The following SMOC1 variants were observed in gnomAD, a reference collection of about 807,000 sequenced individuals.
SMOC1 encodes SPARC related modular calcium binding 1.
In SMOC1, 22 loss-of-function variants were observed where a neutral mutation model predicts 56.3. The ratio of observed to expected loss-of-function variants is 0.39; its 90% CI spans 0.28 to 0.56. The LOEUF (loss-of-function observed/expected upper bound fraction) is 0.56, where lower values mean the gene tolerates loss of function less well. Among genes scored for constraint, SMOC1 ranks in the 20% least tolerant of loss-of-function variants. The pLI, the probability that SMOC1 is intolerant of heterozygous loss-of-function variation, is 0.61. For missense variants in SMOC1, 509 were observed against 565.4 expected (o/e 0.90, Z 1.01); for synonymous variants, 193 against 215.0 (o/e 0.90, Z 0.89).
At chr14:69,922,932 CTTTTTTTTG>C (rs1443553213) in intron 1 of SMOC1, among the ~76,000 whole-genome samples, 5 of 147,706 alleles carry the variant, frequency 3.4e-5, no homozygotes, top group East Asian at 3.9e-4. Context: ...TCTCAGCCCT[CTTTTTTTTG>C]TTTTTTTTGT....
intron 1 of SMOC1, among the ~76,000 whole-genome samples, chr14:69,949,232 G>A (rs1882906436): frequency 6.6e-6 from 1 of 152,188 alleles, no homozygotes; most frequent in Non-Finnish European, 1.5e-5. Flanking sequence ...GGACGGCAAG[G>A]CTGTAAGCAC....
chr14:70,009,478 G>A (rs571967401), intron 7 of SMOC1, among the ~76,000 whole-genome samples: 2 of 152,304 alleles, frequency 1.3e-5, no homozygotes, highest in African/African-American at 4.8e-5. Context: ...GTTGAGTGCT[G>A]TTGTTCAGTG....
At chr14:70,011,607 T>C (rs1885345406) in intron 9 of SMOC1, 40 bp downstream of exon 9, 1 of 1,559,068 alleles carries the variant, frequency 6.4e-7, no homozygotes, top group Non-Finnish European at 8.8e-7. Context: ...ATCACCTCCT[T>C]CTGTTCCTCC....
In SMOC1 at chr14:70,030,426, T is replaced by G. The variant is rs536000675; in HGVS notation, c.*168T>G. ...TTACTTGCGTGTTTTGTTTTTGGTT[T>G]CATTTTAAAACACCAATATCTAATA... On this transcript the variant is annotated 3_prime_UTR_variant, in exon 12 of 12. Coordinates refer to ENST00000361956, the MANE Select transcript of SMOC1 (RefSeq NM_001034852.3). 4 of 804,478 alleles carry G rather than the reference T, an allele frequency of 5.0e-6. No individual in the cohort carries two copies. The highest frequency in any genetic ancestry group is 2.6e-5 in the East Asian group (1 of 38,844). 49.8% of individuals were successfully genotyped at this position (804,478 alleles called of 1,614,324 possible). A position where few individuals can be genotyped will look rare whatever the true frequency, so the allele number is the denominator to read the frequency against.
At chr14:69,927,958 G>A (rs1248267394) in intron 1 of SMOC1, among the ~76,000 whole-genome samples, 1 of 152,210 alleles carries the variant, frequency 6.6e-6, no homozygotes, top group African/African-American at 2.4e-5. Flanking sequence ...AAACAGAGGG[G>A]TGAAGGGGTC....
chr14:70,030,259 G>C lies in SMOC1; in HGVS notation c.*1G>C, dbSNP rs1354562365. On this transcript the variant is annotated 3_prime_UTR_variant, in exon 12 of 12. Transcript: ENST00000361956. ...TCTCTCAGTAGGACGCCTCGTCTAA[G>C]GAGCAGAAAACCCAAGGGCAGGTGG... is the stretch of plus-strand genomic sequence containing the variant. 4 of 1,609,916 alleles carry C rather than the reference G, an allele frequency of 2.5e-6. No homozygotes were observed. Among genetic ancestry groups the C allele is most frequent in the Non-Finnish European group, 3.4e-6 (4 of 1,179,122 alleles).
Position 70,011,469 on chromosome 14 carries a change from A to G in SMOC1, c.858-16A>G. 7.5e-7 allele frequency: 1 copy of G among 1,333,730 alleles called. No individual in the cohort carries two copies. Among genetic ancestry groups the G allele is most frequent in the Non-Finnish European group, 1.1e-6 (1 of 949,796 alleles). The allele number at this position is 1,333,730 out of a possible 1,614,324, so 82.6% of individuals were successfully genotyped here. ...GCCAGCCCCTCCCAACCCCCCCCATATCTCTCTTTTCCCAGCTACGTGATG... is the reference window on the plus strand; with the variant it reads ...GCCAGCCCCTCCCAACCCCCCCCATGTCTCTCTTTTCCCAGCTACGTGATG... On this transcript the variant is annotated splice_polypyrimidine_tract_variant and intron_variant, in intron 8 of 11. Transcript: ENST00000361956.
intron 5 of SMOC1, among the ~76,000 whole-genome samples, chr14:69,990,621 G>A (rs1884530288): frequency 6.6e-6 from 1 of 152,158 alleles, no homozygotes; most frequent in African/African-American, 2.4e-5. Flanking sequence ...CAGGGGAAGT[G>A]ATGCTATTAA....
intron 7 of SMOC1, among the ~76,000 whole-genome samples, chr14:70,002,464 C>A (rs1885002776): frequency 6.6e-6 from 1 of 152,192 alleles, no homozygotes. Flanking sequence ...TAGAGCCTTT[C>A]CTTTTCTGGG....
chr14:69,976,874 T>C (rs1482330155), intron 4 of SMOC1, among the ~76,000 whole-genome samples: 1 of 152,158 alleles, frequency 6.6e-6, no homozygotes, highest in East Asian at 1.9e-4. Flanking sequence ...ACTTGCTCTG[T>C]TACATGAAGG....
chr14:69,925,763 G>T (rs1233561148), intron 1 of SMOC1, among the ~76,000 whole-genome samples: 2 of 152,190 alleles, frequency 1.3e-5, no homozygotes, highest in Non-Finnish European at 2.9e-5. Context: ...ACCTGGAGGG[G>T]TTCACTGTAG....
chr14:69,945,065 A>G (rs1280322049), intron 1 of SMOC1, among the ~76,000 whole-genome samples: 1 of 152,236 alleles, frequency 6.6e-6, no homozygotes, highest in Non-Finnish European at 1.5e-5. Flanking sequence ...ACAGTAAGTG[A>G]CAGAAAAAAG....
chr14:69,997,252 G>A (rs1270737076), intron 7 of SMOC1, among the ~76,000 whole-genome samples: 3 of 152,178 alleles, frequency 2.0e-5, no homozygotes, highest in Admixed American at 2.0e-4. Context: ...CAGCTCACAA[G>A]GCTCTTCACC....
intron 3 of SMOC1, among the ~76,000 whole-genome samples, chr14:69,962,832 C>T (rs1883434594): frequency 6.6e-6 from 1 of 152,118 alleles, no homozygotes; most frequent in Non-Finnish European, 1.5e-5. Flanking sequence ...CTGTCTTGGC[C>T]TCCGAAAGTG....
intron 10 of SMOC1, among the ~76,000 whole-genome samples, chr14:70,014,557 G>A (rs1470281560): frequency 1.3e-5 from 2 of 152,176 alleles, no homozygotes; most frequent in Non-Finnish European, 2.9e-5. Flanking sequence ...AGTGGTAATC[G>A]TGAGATGGAA....
rs1885950306 is a variant in SMOC1 at position 70,026,995 on chromosome 14, T to C, written c.1292-3247T>C. On this transcript the variant is annotated intron_variant, in intron 11 of 11. Coordinates refer to ENST00000361956, the MANE Select transcript of SMOC1 (RefSeq NM_001034852.3). Reference sequence around the variant, plus strand: ...ATTGAGATAAGAGGAAGAGGGTATGTAGGATTAATCAATGGGGTGGGGTGA... The same window carrying C: ...ATTGAGATAAGAGGAAGAGGGTATGCAGGATTAATCAATGGGGTGGGGTGA... 2.0e-5 allele frequency among the ~76,000 whole-genome samples: 3 copies of C among 152,100 alleles called. No individual in the cohort carries two copies. In the South Asian group the frequency reaches 6.2e-4, roughly 32 times the overall value.
intron 1 of SMOC1, among the ~76,000 whole-genome samples, chr14:69,943,916 G>T (rs939379195): frequency 1.4e-4 from 21 of 152,196 alleles, no homozygotes; most frequent in African/African-American, 4.3e-4. Flanking sequence ...GTGGCATCTG[G>T]GGCATAGTGT....
At chr14:69,959,517 G>A (rs972877853) in intron 3 of SMOC1, among the ~76,000 whole-genome samples, 1 of 152,112 alleles carries the variant, frequency 6.6e-6, no homozygotes, top group African/African-American at 2.4e-5. Context: ...AATGTGTTAT[G>A]TTTCCTGTCT....
At chr14:69,957,487 G>A (rs1394020701) in intron 3 of SMOC1, among the ~76,000 whole-genome samples, 1 of 152,170 alleles carries the variant, frequency 6.6e-6, no homozygotes, top group Non-Finnish European at 1.5e-5. Context: ...TTGTACTCAA[G>A]CCTGCCTAAT....
Sources: gnomAD v4.1 joint callset for allele counts (sites outside exome capture counted in the v4.1 genomes callset) on GRCh38, gnomAD v4.1.1 for gene constraint, MANE v1.5 for transcripts, NCBI Gene and HGNC (gene_info 2026-07-23, HGNC 2026-07-21) for gene names.